DNAH9: variants seen among roughly 807,000 people sequenced by gnomAD.
DNAH9 encodes DNAH9 variant protein.
In DNAH9, 345 loss-of-function variants were observed where a neutral mutation model predicts 471.6. The ratio of observed to expected loss-of-function variants is 0.73; its 90% CI spans 0.67 to 0.80. The LOEUF (loss-of-function observed/expected upper bound fraction) is 0.80. DNAH9 is among the 30% of genes least tolerant of loss of function. DNAH9 has a pLI of 0.00. For missense variants in DNAH9, 5,407 were observed against 5,609.2 expected, an observed-to-expected ratio of 0.96 and a Z score of 1.15; for synonymous variants, 2,093 against 2,123.6, an observed-to-expected ratio of 0.99 and a Z score of 0.40.
chr17:11,915,034 C>G (rs1973897512), intron 61 of DNAH9, among the ~76,000 whole-genome samples: 1 of 152,134 alleles, frequency 6.6e-6, no homozygotes, highest in Admixed American at 6.5e-5. Context: ...CCTAAATATG[C>G]TTCAAATCCA....
At chr17:11,879,302 A>G (rs553536238) in intron 53 of DNAH9, among the ~76,000 whole-genome samples, 1 of 152,274 alleles carries the variant, frequency 6.6e-6, no homozygotes, top group South Asian at 2.1e-4. Context: ...TTCTTTCTAC[A>G]CATCTATATT....
chr17:11,654,171 C>T (rs558977814), intron 14 of DNAH9, among the ~76,000 whole-genome samples: 2 of 77,580 alleles, frequency 2.6e-5, no homozygotes, highest in African/African-American at 4.5e-5. Flanking sequence ...CTGGCTAACA[C>T]GGTGAAACCC....
intron 60 of DNAH9, among the ~76,000 whole-genome samples, chr17:11,905,349 C>G: frequency 6.6e-6 from 1 of 152,118 alleles, no homozygotes; most frequent in South Asian, 2.1e-4. Flanking sequence ...TCTGAAGGTA[C>G]TGGCGCTAAC....
At chr17:11,898,870 G>A (rs774982395) in intron 59 of DNAH9, among the ~76,000 whole-genome samples, 4 of 152,164 alleles carry the variant, frequency 2.6e-5, no homozygotes, top group African/African-American at 4.8e-5. Flanking sequence ...CTCTTTTCAC[G>A]AAATGGATTG....
intron 67 of DNAH9, among the ~76,000 whole-genome samples, chr17:11,944,625 G>C (rs913984792): frequency 3.3e-5 from 5 of 152,162 alleles, no homozygotes; most frequent in Admixed American, 2.0e-4. Flanking sequence ...CTGCGAAATG[G>C]AAGATAAACA....
intron 14 of DNAH9, among the ~76,000 whole-genome samples, chr17:11,662,900 C>T (rs919756864): frequency 4.0e-5 from 6 of 150,688 alleles, no homozygotes; most frequent in African/African-American, 1.2e-4. Flanking sequence ...GGACTACAGG[C>T]GCCCGCCACT....
rs57515310 is a variant in DNAH9, at chr17:11,733,860, CAAAA to C, written c.5815-5004_5815-5001del. On this transcript the variant is annotated intron_variant, in intron 28 of 68. Coordinates refer to ENST00000262442, the MANE Select transcript of DNAH9 (RefSeq NM_001372.4). ...TGGGCAACAGAGCAAGACTCCATCTCAAAAAAAAAAAAAAAAAAAGTAAAACCTG... is the reference window on the plus strand; with the variant it reads ...TGGGCAACAGAGCAAGACTCCATCTCAAAAAAAAAAAAAAAGTAAAACCTG... Among the ~76,000 whole-genome samples the C allele has an allele frequency of 1.3e-3, 142 of 113,120 alleles. 1 individual carries two copies. The highest frequency in any genetic ancestry group is 4.6e-3 in the South Asian group (16 of 3,478). The allele number at this position is 113,120 out of a possible 152,430, so 74.2% of individuals were successfully genotyped here.
At position 11,598,776 on chromosome 17, in the gene DNAH9, C is replaced by T. The variant is rs1358294580; in HGVS notation, c.278C>T (p.Ser93Leu). The part of the protein sequence containing the change: ...IRPGLEVGPE[S>L]GLAGAKALFF... ...CCCGGGCTGGAGGTGGGACCTGAGT[C>T]GGGCCTGGCTGGCGCTAAGGCGCTT... Residue 93 changes from serine (S) to leucine (L), a missense_variant, in exon 1 of 69, where the codon TCG becomes TTG. By Grantham distance (145) the Ser-to-Leu change is moderately radical. Coordinates refer to ENST00000262442, the MANE Select transcript of DNAH9 (RefSeq NM_001372.4). 6.8e-7 allele frequency: 1 copy of T among 1,461,960 alleles called. No homozygotes were observed. The highest frequency in any genetic ancestry group is 9.0e-7 in the Non-Finnish European group (1 of 1,111,462). The allele number at this position is 1,461,960 out of a possible 1,614,324, so 90.6% of individuals were successfully genotyped here.
At position 11,844,613 on chromosome 17, in the gene DNAH9, G is replaced by C. The variant is rs534087824; in HGVS notation, c.9508-9390G>C. On this transcript the variant is annotated intron_variant, in intron 49 of 68. Transcript: ENST00000262442. ...GTAGAGACGGAGTTTCACCATGCTG[G>C]CCAGGCTGGTCTCAAACTCCTGACC... 1.1e-4 allele frequency among the ~76,000 whole-genome samples: 17 copies of C among 152,206 alleles called. 1 individual carries two copies. The South Asian group carries it at 3.5e-3, about 32-fold the overall frequency.
intron 1 of DNAH9, 103 bp from the exon 2 acceptor site, chr17:11,608,026 C>T: frequency 3.5e-6 from 3 of 846,502 alleles, no homozygotes; most frequent in Non-Finnish European, 3.7e-6. Flanking sequence ...CAGTGACCTG[C>T]AAAAGGTTGT....
intron 49 of DNAH9, among the ~76,000 whole-genome samples, chr17:11,848,689 A>T (rs1971306751): frequency 6.6e-6 from 1 of 152,198 alleles, no homozygotes; most frequent in Non-Finnish European, 1.5e-5. Flanking sequence ...ACTTACATAG[A>T]ACAATGTTCA....
intron 19 of DNAH9, among the ~76,000 whole-genome samples, chr17:11,686,661 C>T (rs538862620): frequency 7.9e-5 from 12 of 152,146 alleles, no homozygotes; most frequent in South Asian, 2.1e-4. Context: ...AAAATTATGC[C>T]GCAGGGTGGA....
In DNAH9 at chr17:11,719,637, T is replaced by C. The variant is rs182642090; in HGVS notation, c.5709+147T>C. On this transcript the variant is annotated intron_variant, in intron 27 of 68. Transcript: ENST00000262442. ...CAGGAGGTCTCAGTTTGCTCCTTCG[T>C]GGTAAAGTTGGACGTTTGAACCCTG... The C allele has an allele frequency of 1.4e-3, 1,015 of 700,138 alleles. 9 individuals are homozygous for C. In the African/African-American group the frequency reaches 0.016, roughly 11 times the overall value. 43.4% of individuals were successfully genotyped at this position (700,138 alleles called of 1,614,324 possible).
Position 11,853,592 on chromosome 17 carries a change from G to GA in DNAH9, c.9508-402dup, listed in dbSNP as rs545979282. Among the ~76,000 whole-genome samples, 73 of 151,246 alleles carry GA rather than the reference G, an allele frequency of 4.8e-4. 1 individual carries two copies. Among genetic ancestry groups the GA allele is most frequent in the South Asian group, 3.8e-3 (18 of 4,764 alleles). ...CATGGAACAAAGCAGTTTAATTAAG[G>GA]AAAAAAAAATTACTTGGGTTACAGT... On this transcript the variant is annotated intron_variant, in intron 49 of 68. Coordinates refer to ENST00000262442, the MANE Select transcript of DNAH9 (RefSeq NM_001372.4).
chr17:11,734,652 G>T (rs2150825444), intron 28 of DNAH9, among the ~76,000 whole-genome samples: 1 of 152,288 alleles, frequency 6.6e-6, no homozygotes, highest in Non-Finnish European at 1.5e-5. Context: ...GGGAGAGAGG[G>T]GAACCTCTGG....
intron 68 of DNAH9, among the ~76,000 whole-genome samples, chr17:11,965,589 A>G (rs1475641271): frequency 1.3e-5 from 2 of 152,218 alleles, no homozygotes; most frequent in South Asian, 2.1e-4. Context: ...TGGCCCATAC[A>G]CAAGGAAGAA....
chr17:11,803,514 A>T (rs1467379756), intron 43 of DNAH9, among the ~76,000 whole-genome samples: 1 of 152,228 alleles, frequency 6.6e-6, no homozygotes, highest in Admixed American at 6.5e-5. Flanking sequence ...TAATGGACTT[A>T]ACTTAGACTG....
At chr17:11,913,414 C>T (rs1471472899) in intron 61 of DNAH9, among the ~76,000 whole-genome samples, 1 of 152,062 alleles carries the variant, frequency 6.6e-6, no homozygotes, top group Non-Finnish European at 1.5e-5. Flanking sequence ...TTGATAAACA[C>T]CTCCTTAATT....
At chr17:11,757,732 A>G in intron 35 of DNAH9, 40 bp downstream of exon 35, 1 of 1,606,398 alleles carries the variant, frequency 6.2e-7, no homozygotes, top group Non-Finnish European at 8.5e-7. Flanking sequence ...TTAAAGCAGC[A>G]ATAAAAAGCC....
Sources: allele counts gnomAD v4.1 joint callset (sites outside exome capture counted in the v4.1 genomes callset), GRCh38; gene constraint gnomAD v4.1.1; transcripts MANE v1.5; gene names NCBI Gene and HGNC (gene_info 2026-07-23, HGNC 2026-07-21).